The following DNMT3B variants were observed in gnomAD, a reference collection of about 807,000 sequenced individuals.
DNMT3B encodes DNA methyltransferase 3 beta.
A neutral mutation model predicts 120.2 loss-of-function variants in DNMT3B; 37 were observed. The ratio of observed to expected loss-of-function variants is 0.31; its 90% confidence interval spans 0.24 to 0.40. DNMT3B has a LOEUF of 0.40. Ranked by LOEUF, DNMT3B falls within the 10% of genes least tolerant of loss-of-function variation. The pLI is 1.00. For missense variants in DNMT3B, 878 were observed against 1,137.3 expected (o/e 0.77, Z 3.28); for synonymous variants, 412 against 442.8 (o/e 0.93, Z 0.87).
chr20:32,780,160 A>T (rs1978415773), intron 1 of DNMT3B, 158 bp from the exon 2 acceptor site: 1 of 1,613,394 alleles, frequency 6.2e-7, no homozygotes, highest in Non-Finnish European at 8.5e-7. Flanking sequence ...GGGGGAGGCT[A>T]TGGGGGGCAG....
chr20:32,787,562 G>A lies in DNMT3B; in HGVS notation c.654+111G>A, dbSNP rs79368590. On this transcript the variant is annotated intron_variant, in intron 6 of 22. Transcript: ENST00000328111. ...AGCGACAACAGTTGTTAGAAGTTTC[G>A]TAATTGTAATAATTGACATGTTTGA... 6,804 of 1,212,484 alleles carry A rather than the reference G, an allele frequency of 5.6e-3. 46 individuals carry two copies. Among genetic ancestry groups the A allele is most frequent in the African/African-American group, 0.026 (1,768 of 66,810 alleles). 75.1% of individuals were successfully genotyped at this position (1,212,484 alleles called of 1,614,324 possible).
At chr20:32,799,197 CTT>C (rs763372602) in intron 15 of DNMT3B, 45 bp from the exon 16 acceptor site, 7 of 1,582,890 alleles carry the variant, frequency 4.4e-6, no homozygotes, top group East Asian at 2.3e-5. Flanking sequence ...GAGCTTGAGT[CTT>C]TGCCCTGTGC....
intron 20 of DNMT3B, among the ~76,000 whole-genome samples, chr20:32,804,343 C>G (rs760488193): frequency 1.3e-5 from 2 of 152,140 alleles, no homozygotes; most frequent in Admixed American, 1.3e-4. Context: ...CCCTCAGCTC[C>G]CCTGGGTCCA....
chr20:32,807,157 C>G (rs1442876869), intron 22 of DNMT3B, among the ~76,000 whole-genome samples: 1 of 152,200 alleles, frequency 6.6e-6, no homozygotes, highest in East Asian at 1.9e-4. Flanking sequence ...TTCTGAATAA[C>G]CCACGCAGCC....
intron 15 of DNMT3B, among the ~76,000 whole-genome samples, chr20:32,798,849 C>G (rs1980982220): frequency 6.6e-6 from 1 of 152,220 alleles, no homozygotes; most frequent in Non-Finnish European, 1.5e-5. Flanking sequence ...TTGCCGGCTT[C>G]TCAGCGTATG....
At chr20:32,772,676 A>C (rs1424305489) in intron 1 of DNMT3B, among the ~76,000 whole-genome samples, 2 of 152,094 alleles carry the variant, frequency 1.3e-5, no homozygotes, top group Middle Eastern at 3.2e-3. Flanking sequence ...TTTCTGTATA[A>C]AGGGCAAAAA....
intron 20 of DNMT3B, 59 bp from the exon 21 acceptor site, chr20:32,805,279 G>A: frequency 1.2e-6 from 2 of 1,605,870 alleles, no homozygotes; most frequent in East Asian, 2.2e-5. Flanking sequence ...CTCCCACCTT[G>A]TGCCTAGCAG....
chr20:32,801,757 G>A (rs1001242733), intron 19 of DNMT3B, among the ~76,000 whole-genome samples: 1 of 152,044 alleles, frequency 6.6e-6, no homozygotes, highest in Non-Finnish European at 1.5e-5. Flanking sequence ...GCCAATTTTT[G>A]TATTTTTGGT....
chr20:32,786,123 A>G (rs566778925), intron 4 of DNMT3B, among the ~76,000 whole-genome samples: 8 of 152,252 alleles, frequency 5.3e-5, no homozygotes, highest in African/African-American at 1.9e-4. Flanking sequence ...ATTGCAAGTG[A>G]TCTGCCCGCC....
At chr20:32,780,632 G>A (rs180865290) in intron 2 of DNMT3B, among the ~76,000 whole-genome samples, 167 bp downstream of exon 2, 105 of 152,220 alleles carry the variant, frequency 6.9e-4, no homozygotes, top group African/African-American at 2.5e-3. Context: ...CTTCACACCT[G>A]CCCGCAGCCC....
intron 1 of DNMT3B, among the ~76,000 whole-genome samples, chr20:32,774,909 G>C (rs1987992571): frequency 6.6e-6 from 1 of 151,870 alleles, no homozygotes; most frequent in Non-Finnish European, 1.5e-5. Context: ...TTTTAGTAGA[G>C]ACTGGTTACA....
chr20:32,770,428 A>G (rs1003890489), intron 1 of DNMT3B, among the ~76,000 whole-genome samples: 2 of 152,046 alleles, frequency 1.3e-5, no homozygotes, highest in African/African-American at 4.8e-5. Flanking sequence ...AGCTGGGATT[A>G]CAGGCATGTG....
chr20:32,783,167 G>A (rs1978831654), intron 3 of DNMT3B, among the ~76,000 whole-genome samples: 1 of 152,002 alleles, frequency 6.6e-6, no homozygotes, highest in Non-Finnish European at 1.5e-5. Context: ...CCTCAAGTGA[G>A]CCACCTGTCC....
At chr20:32,777,058 G>T (rs538606667) in intron 1 of DNMT3B, among the ~76,000 whole-genome samples, 56 of 152,310 alleles carry the variant, frequency 3.7e-4, no homozygotes, top group African/African-American at 1.3e-3. Flanking sequence ...CACTACAAAC[G>T]TAGGGTCGTG....
At chr20:32,774,391 A>T (rs1045965279) in intron 1 of DNMT3B, among the ~76,000 whole-genome samples, 11 of 150,876 alleles carry the variant, frequency 7.3e-5, no homozygotes, top group African/African-American at 2.7e-4. Context: ...TTGTGTTTTT[A>T]GTAGAGACGG....
chr20:32,778,956 ATGGATG>A (rs1347872070), intron 1 of DNMT3B, among the ~76,000 whole-genome samples: 10 of 151,798 alleles, frequency 6.6e-5, no homozygotes. Context: ...GGATGGATGG[ATGGATG>A]GATGGATGGA....
chr20:32,772,874 A>T (rs111619844), intron 1 of DNMT3B, among the ~76,000 whole-genome samples: 2,919 of 129,334 alleles, frequency 0.023, 119 homozygotes, highest in African/African-American at 0.077. Flanking sequence ...GTTTGGACAC[A>T]TTTTTTTTTT....
At chr20:32,781,298 T>C (rs1361540458) in intron 2 of DNMT3B, 55 bp from the exon 3 acceptor site, 25 of 1,602,040 alleles carry the variant, frequency 1.6e-5, no homozygotes, top group Non-Finnish European at 2.0e-5. Context: ...GCAAGGCCGT[T>C]CCCCAGACTG....
chr20:32,763,302 G>A (rs1987087399), intron 1 of DNMT3B, among the ~76,000 whole-genome samples: 1 of 152,172 alleles, frequency 6.6e-6, no homozygotes, highest in South Asian at 2.1e-4. Context: ...GCTGGGGTGT[G>A]CGCCGTGGAG....
Sources: allele counts gnomAD v4.1 joint callset (sites outside exome capture counted in the v4.1 genomes callset), GRCh38; gene constraint gnomAD v4.1.1; transcripts MANE v1.5; gene names NCBI Gene and HGNC (gene_info 2026-07-23, HGNC 2026-07-21).